Variants in FRY observed in about 807,000 individuals in gnomAD.
The protein encoded by FRY is FRY microtubule binding protein, also known as protein furry homolog.
A neutral mutation model predicts 348.4 loss-of-function variants in FRY; 128 were observed. That is an observed-to-expected ratio of 0.37 (90% CI 0.32 to 0.43). The LOEUF is 0.43. Among genes scored for constraint, FRY ranks in the 20% least tolerant of loss-of-function variants. The pLI is 1.00. For missense variants in FRY, 2,736 were observed against 3,695.2 expected, an observed-to-expected ratio of 0.74 and a Z score of 6.73; for synonymous variants, 1,370 against 1,374.7, an observed-to-expected ratio of 1.00 and a Z score of 0.08.
Position 32,237,841 on chromosome 13 carries a change from G to T in FRY, c.6273G>T (p.Gln2091His). 1 of 1,614,184 alleles carries T rather than the reference G, an allele frequency of 6.2e-7. No homozygotes were observed. The stretch of plus-strand genomic sequence containing the variant: ...AAAAGCTTGAGAAACTCCAGGCACA[G>T]CTGAAGTGGGCCGACTTCTCCGGGC... ...NREKLEKLQA[Q>H]LKWADFSGLQ... The change falls in exon 44 of 61, where the codon CAG becomes CAT. Residue 2091 changes from glutamine (Q) to histidine (H), a missense_variant. By Grantham distance (24) the Gln-to-His change is conservative (BLOSUM62 0). Coordinates refer to ENST00000542859, the MANE Select transcript of FRY (RefSeq NM_023037.3). The surrounding 1 kb of genome is among the most constrained non-coding windows in gnomAD (Gnocchi z 6.3).
chr13:32,242,430 C>A (rs553959797), intron 46 of FRY, among the ~76,000 whole-genome samples: 8 of 152,222 alleles, frequency 5.3e-5, no homozygotes, highest in Non-Finnish European at 1.2e-4. Flanking sequence ...TAATTTAACA[C>A]TTTTTATTAA....
At chr13:32,274,001 GTCTGA>G in intron 55 of FRY, among the ~76,000 whole-genome samples, 1 of 152,254 alleles carries the variant, frequency 6.6e-6, no homozygotes, top group East Asian at 1.9e-4. Flanking sequence ...AGTATTTCAT[GTCTGA>G]AAAAATCCAA....
intron 35 of FRY, among the ~76,000 whole-genome samples, chr13:32,216,625 T>G (rs1165988466): frequency 1.3e-5 from 2 of 152,252 alleles, no homozygotes; most frequent in Non-Finnish European, 2.9e-5. Context: ...CACCCTGCTT[T>G]TGTTCCTTTC....
Position 32,163,302 on chromosome 13 carries a change from C to T in FRY, c.1892+2051C>T, listed in dbSNP as rs935499672. Among the ~76,000 whole-genome samples, 6 of 152,184 alleles carry T rather than the reference C, an allele frequency of 3.9e-5. No homozygotes were observed. The East Asian group carries it at 1.2e-3, about 29-fold the overall frequency. On this transcript the variant is annotated intron_variant, in intron 17 of 60. Transcript: ENST00000542859. Reference sequence around the variant, plus strand: ...TAACAGACATGGAGGAAGCAGGACACGAGAATGGGAAGAAAACAATCCTCT... The same window carrying T: ...TAACAGACATGGAGGAAGCAGGACATGAGAATGGGAAGAAAACAATCCTCT...
chr13:32,212,242 C>T, intron 34 of FRY, 50 bp from the exon 35 acceptor site: 1 of 1,016,596 alleles, frequency 9.8e-7, no homozygotes, highest in South Asian at 1.3e-5. Flanking sequence ...GAGCTTGACC[C>T]CTCAGCTTGC....
At chr13:32,065,027 T>C (rs1439163465) in intron 1 of FRY, among the ~76,000 whole-genome samples, 2 of 152,254 alleles carry the variant, frequency 1.3e-5, no homozygotes, top group Non-Finnish European at 1.5e-5. Flanking sequence ...ACCTATGTGA[T>C]TGAACCTGAA....
At chr13:32,161,054 G>A (rs949809568) in intron 16 of FRY, 90 bp from the exon 17 acceptor site, 2 of 861,258 alleles carry the variant, frequency 2.3e-6, no homozygotes, top group Non-Finnish European at 4.0e-6. Context: ...AGAAGGCATG[G>A]ATTCTAGTCT....
chr13:32,228,374 T>A, intron 39 of FRY, 82 bp from the exon 40 acceptor site: 1 of 1,003,198 alleles, frequency 1.0e-6, no homozygotes. Context: ...CACACTTCCC[T>A]GCCCTCCTCT....
rs74044374 is a variant in FRY at position 32,075,966 on chromosome 13, A to G, written c.71-2868A>G. On this transcript the variant is annotated intron_variant, in intron 1 of 60. Coordinates refer to ENST00000542859, the MANE Select transcript of FRY (RefSeq NM_023037.3). ...TGTTCATATAGTTTTATCTTTTTCA[A>G]TATCACATTTGTATTCACAAAGATG... Among the ~76,000 whole-genome samples the G allele has an allele frequency of 7.3e-3, 1,108 of 152,332 alleles. 19 individuals carry two copies. The highest frequency in any genetic ancestry group is 0.025 in the African/African-American group (1,029 of 41,562).
At chr13:32,257,852 C>T in intron 51 of FRY, 2 of 876,338 alleles carry the variant, frequency 2.3e-6, no homozygotes, top group Non-Finnish European at 3.9e-6. Flanking sequence ...ATTGTTAGCA[C>T]TGTTGGTTAA....
chr13:32,182,241 A>C (rs1247760626), intron 23 of FRY, among the ~76,000 whole-genome samples: 1 of 152,222 alleles, frequency 6.6e-6, no homozygotes, highest in African/African-American at 2.4e-5. Flanking sequence ...TTCTTGAAGA[A>C]GAGAACTAAT....
At chr13:32,294,777 C>T (rs942036568) in intron 60 of FRY, among the ~76,000 whole-genome samples, 4 of 152,148 alleles carry the variant, frequency 2.6e-5, no homozygotes, top group African/African-American at 9.7e-5. Flanking sequence ...TTTGTCGTCC[C>T]TAAAATGACA....
At position 32,209,104 on chromosome 13, in the gene FRY, G is replaced by A; in HGVS notation, c.4270G>A (p.Ala1424Thr). 6.2e-7 allele frequency: 1 copy of A among 1,614,064 alleles called. No homozygotes were observed. The highest frequency in any genetic ancestry group is 8.5e-7 in the Non-Finnish European group (1 of 1,180,028). ...CCTGAACAACCTCATGTACATGACGGCCAAGGTAAACTCAGAGGAATTGTG... is the reference window on the plus strand; with the variant it reads ...CCTGAACAACCTCATGTACATGACGACCAAGGTAAACTCAGAGGAATTGTG... ...LVLNNLMYMT[A>T]KYGDEVPGPE... The change falls in exon 32 of 61, where the codon GCC (alanine) becomes ACC (threonine). Residue 1424 changes from alanine (A) to threonine (T), a missense_variant. Coordinates refer to ENST00000542859, the MANE Select transcript of FRY (RefSeq NM_023037.3).
At chr13:32,137,162 G>C (rs1451789161) in intron 11 of FRY, among the ~76,000 whole-genome samples, 190 bp downstream of exon 11, 2 of 152,152 alleles carry the variant, frequency 1.3e-5, no homozygotes, top group African/African-American at 4.8e-5. Context: ...CTAGGAATAA[G>C]ATAAATCACT....
intron 16 of FRY, among the ~76,000 whole-genome samples, chr13:32,158,268 A>T (rs1295719076): frequency 6.6e-6 from 1 of 152,202 alleles, no homozygotes; most frequent in Non-Finnish European, 1.5e-5. Context: ...CCTCACATGA[A>T]ATCTGCAGCC....
chr13:32,150,508 C>T (rs1290299923), intron 14 of FRY, among the ~76,000 whole-genome samples: 5 of 152,226 alleles, frequency 3.3e-5, no homozygotes, highest in African/African-American at 9.6e-5. Context: ...GCCACAGGCT[C>T]TGCTGCTTTT....
chr13:32,281,558 A>G (rs150968160), intron 58 of FRY, among the ~76,000 whole-genome samples: 71 of 152,304 alleles, frequency 4.7e-4, no homozygotes, highest in Middle Eastern at 3.4e-3. Context: ...GGTGTTTCCA[A>G]TGTTTTTGCA....
At chr13:32,131,621 C>T (rs1045087173) in intron 7 of FRY, 51 bp from the exon 8 acceptor site, 12 of 1,403,702 alleles carry the variant, frequency 8.5e-6, no homozygotes, top group African/African-American at 1.4e-5. Context: ...GCCCCCATTA[C>T]AGGGACTTTC....
intron 60 of FRY, among the ~76,000 whole-genome samples, chr13:32,294,842 A>T (rs1889555469): frequency 6.6e-6 from 1 of 152,202 alleles, no homozygotes; most frequent in Admixed American, 6.5e-5. Context: ...TAACATTTGA[A>T]TATATTCTTT....
Sources: gnomAD v4.1 joint callset for allele counts (sites outside exome capture counted in the v4.1 genomes callset) on GRCh38, gnomAD v4.1.1 for gene constraint, Gnocchi (gnomAD v3.1) non-coding constraint, MANE v1.5 for transcripts, NCBI Gene and HGNC (gene_info 2026-07-23, HGNC 2026-07-21) for gene names.